Variants in SMG6 observed in about 807,000 individuals in gnomAD.
SMG6 encodes SMG6 nonsense mediated mRNA decay factor.
Under a neutral mutation model 142.2 loss-of-function variants are expected in SMG6, and 66 were observed. The observed-to-expected ratio is 0.46, with a 90% CI of 0.38 to 0.57. The LOEUF is 0.57. Among genes scored for constraint, SMG6 ranks in the 20% least tolerant of loss-of-function variants. SMG6 has a pLI of 0.00. For synonymous variants in SMG6, 779 were observed against 702.4 expected (o/e 1.11, Z -1.72); for missense variants, 1,793 against 1,832.0 (o/e 0.98, Z 0.39).
intron 13 of SMG6, among the ~76,000 whole-genome samples, chr17:2,130,177 G>T (rs889248477): frequency 1.4e-5 from 2 of 146,078 alleles, no homozygotes; most frequent in Non-Finnish European, 3.0e-5. Flanking sequence ...GGAGAATGGC[G>T]TGAACCCGGG....
chr17:2,135,883 C>A (rs2070279096), intron 13 of SMG6, among the ~76,000 whole-genome samples: 1 of 151,830 alleles, frequency 6.6e-6, no homozygotes, highest in African/African-American at 2.4e-5. Context: ...GATGGAATCT[C>A]ACTATGTTGT....
At chr17:2,157,811 C>G (rs1371282387) in intron 13 of SMG6, among the ~76,000 whole-genome samples, 1 of 152,172 alleles carries the variant, frequency 6.6e-6, no homozygotes, top group African/African-American at 2.4e-5. Flanking sequence ...ACTAAGCAAT[C>G]AGGGAATGCT....
chr17:2,102,215 T>TA (rs1392548591), intron 13 of SMG6, among the ~76,000 whole-genome samples: 8 of 152,248 alleles, frequency 5.3e-5, no homozygotes, highest in Non-Finnish European at 1.2e-4. Context: ...TGACAATTTA[T>TA]ATTTGTGTTT....
chr17:2,114,745 A>G (rs1028274565), intron 13 of SMG6, among the ~76,000 whole-genome samples: 5 of 151,794 alleles, frequency 3.3e-5, no homozygotes, highest in African/African-American at 9.7e-5. Flanking sequence ...CCTGGCCAAC[A>G]TGGTGAAACC....
chr17:2,186,249 C>A (rs1171299504), intron 12 of SMG6, among the ~76,000 whole-genome samples: 2 of 133,924 alleles, frequency 1.5e-5, no homozygotes, highest in Non-Finnish European at 3.1e-5. Context: ...AAAGTGATAC[C>A]CTGTTTCAAA....
intron 13 of SMG6, among the ~76,000 whole-genome samples, chr17:2,125,265 G>A (rs377753129): frequency 7.2e-5 from 11 of 152,138 alleles, no homozygotes; most frequent in Admixed American, 4.6e-4. Context: ...TGGAGGGACC[G>A]AAACCCCCTA....
intron 12 of SMG6, among the ~76,000 whole-genome samples, chr17:2,183,819 A>C (rs1439976127): frequency 6.6e-6 from 1 of 152,078 alleles, no homozygotes; most frequent in African/African-American, 2.4e-5. Flanking sequence ...GCAGAGGCAA[A>C]GAGAAAGACA....
intron 13 of SMG6, among the ~76,000 whole-genome samples, chr17:2,093,317 G>C (rs751236615): frequency 4.6e-5 from 7 of 152,136 alleles, no homozygotes; most frequent in Non-Finnish European, 1.0e-4. Context: ...GAGCTAACTA[G>C]GAGGCTGAGG....
intron 10 of SMG6, among the ~76,000 whole-genome samples, chr17:2,189,750 T>C (rs997718990): frequency 4.0e-5 from 6 of 151,792 alleles, no homozygotes; most frequent in Admixed American, 6.6e-5. Context: ...GCAAGTATGA[T>C]TGGAGTACAC....
At chr17:2,286,643 A>T (rs905887315) in intron 6 of SMG6, among the ~76,000 whole-genome samples, 1 of 152,224 alleles carries the variant, frequency 6.6e-6, no homozygotes, top group African/African-American at 2.4e-5. Context: ...GTAAAAGTCT[A>T]AAACTCTAAG....
Position 2,299,981 on chromosome 17 carries a change from T to A in SMG6, c.772A>T (p.Ser258Cys), listed in dbSNP as rs552674405. 1 of 1,614,138 alleles carries A rather than the reference T, an allele frequency of 6.2e-7. No homozygotes were observed. The highest frequency in any genetic ancestry group is 2.2e-5 in the East Asian group (1 of 44,888). The change falls in exon 2 of 19, where the codon AGC becomes TGC. Residue 258 changes from serine (S) to cysteine (C), a missense_variant. Physicochemically the swap from Ser to Cys is moderately radical, Grantham distance 112. Transcript: ENST00000263073. The surrounding 1 kb of genome is among the most constrained non-coding windows in gnomAD (Gnocchi z 4.3). ...TTGTTGCTGCCAGCTGAGCTGGTGC[T>A]GCGCGTGCGGTAGCGATTCCTTCGT... ...DKRRNRYRTR[S>C]TSSAGSNNSA...
chr17:2,292,744 G>C, intron 5 of SMG6, 114 bp from the exon 6 acceptor site: 1 of 1,444,296 alleles, frequency 6.9e-7, no homozygotes, highest in East Asian at 2.3e-5. Context: ...TAACCCTGGA[G>C]GGGTAAGGCA....
At chr17:2,171,834 G>T (rs1013976726) in intron 13 of SMG6, among the ~76,000 whole-genome samples, 1 of 151,622 alleles carries the variant, frequency 6.6e-6, no homozygotes, top group Non-Finnish European at 1.5e-5. Flanking sequence ...CTCCCCAAAG[G>T]CCTGTCCCCA....
Position 2,164,166 on chromosome 17 carries a change from C to T in SMG6, c.3357+8492G>A, listed in dbSNP as rs569775735. Among the ~76,000 whole-genome samples the T allele has an allele frequency of 3.3e-5, 5 of 151,952 alleles. No individual in the cohort carries two copies. The South Asian group carries it at 1.0e-3, about 32-fold the overall frequency. On this transcript the variant is annotated intron_variant, in intron 13 of 18. Transcript: ENST00000263073. ...GCACAGTGGCTCACACCTGTAATCC[C>T]AGCACTTTGGGAGGCTGAGGTGGAG...
At chr17:2,170,328 G>A (rs923041824) in intron 13 of SMG6, among the ~76,000 whole-genome samples, 1 of 152,192 alleles carries the variant, frequency 6.6e-6, no homozygotes, top group East Asian at 1.9e-4. Context: ...TGAGAGAGCT[G>A]ATGAAGATGG....
At chr17:2,187,246 A>T (rs1346283670) in intron 11 of SMG6, among the ~76,000 whole-genome samples, 1 of 152,246 alleles carries the variant, frequency 6.6e-6, no homozygotes, top group Non-Finnish European at 1.5e-5. Context: ...AAAAATGACA[A>T]GGACATGTAG....
chr17:2,187,587 T>C (rs1027171393), intron 11 of SMG6, among the ~76,000 whole-genome samples: 2 of 152,114 alleles, frequency 1.3e-5, no homozygotes, highest in African/African-American at 4.8e-5. Flanking sequence ...ATAATAACCT[T>C]AAGTATGTGT....
intron 8 of SMG6, among the ~76,000 whole-genome samples, chr17:2,272,377 C>T (rs775841756): frequency 1.4e-4 from 22 of 152,220 alleles, no homozygotes; most frequent in Non-Finnish European, 2.4e-4. Flanking sequence ...AAGAGCCTCT[C>T]TCTGTGCTTC....
At position 2,059,909 on chromosome 17, in the gene SMG6, G is replaced by C. The variant is rs1467407006; in HGVS notation, c.*1583C>G. The stretch of plus-strand genomic sequence containing the variant: ...TGCTGCAAACGGGACAGAAAGGAGA[G>C]CTGGGTCTCCCTCCCGACCACCCAG... On this transcript the variant is annotated 3_prime_UTR_variant, in exon 19 of 19. Transcript: ENST00000263073. 6.4e-6 allele frequency: 1 copy of C among 155,860 alleles called. No individual in the cohort carries two copies. Among genetic ancestry groups the C allele is most frequent in the Non-Finnish European group, 1.5e-5 (1 of 68,088 alleles). 9.7% of individuals were successfully genotyped at this position (155,860 alleles called of 1,614,324 possible).
Sources: gnomAD v4.1 joint callset for allele counts (sites outside exome capture counted in the v4.1 genomes callset) on GRCh38, gnomAD v4.1.1 for gene constraint, Gnocchi (gnomAD v3.1) non-coding constraint, MANE v1.5 for transcripts, NCBI Gene and HGNC (gene_info 2026-07-23, HGNC 2026-07-21) for gene names.